Variants in TOP3B observed in about 807,000 individuals in gnomAD.
TOP3B encodes DNA topoisomerase 3-beta-1.
Under a neutral mutation model 93.9 loss-of-function variants are expected in TOP3B, and 45 were observed. That is an observed-to-expected ratio of 0.48 (90% CI 0.38 to 0.61). TOP3B has a LOEUF of 0.61. Among genes scored for constraint, TOP3B ranks in the 20% least tolerant of loss-of-function variants. The pLI, the probability that TOP3B is intolerant of heterozygous loss-of-function variation, is 0.00. For missense variants in TOP3B, 750 were observed against 1,156.1 expected, an observed-to-expected ratio of 0.65 and a Z score of 5.09; for synonymous variants, 357 against 472.6, an observed-to-expected ratio of 0.76 and a Z score of 3.17.
chr22:21,971,374 A>G lies in TOP3B; in HGVS notation c.384+503T>C. On this transcript the variant is annotated intron_variant, in intron 5 of 17. Coordinates refer to ENST00000357179, the MANE Select transcript of TOP3B (RefSeq NM_001282112.2). This position sits in a 1 kb window ranked among gnomAD's most constrained non-coding sequence, Gnocchi z 4.6. ...ACCATGGCCGGGGCAAGCATGGGGC[A>G]TGGGGTGTGCACAGGGAGCAGCTGC... 3.2e-6 allele frequency: 1 copy of G among 310,874 alleles called. No homozygotes were observed. Among genetic ancestry groups the G allele is most frequent in the Non-Finnish European group, 6.3e-6 (1 of 158,640 alleles). 19.3% of individuals were successfully genotyped at this position (310,874 alleles called of 1,614,324 possible). A position where few individuals can be genotyped will look rare whatever the true frequency, so the allele number is the denominator to read the frequency against.
intron 13 of TOP3B, chr22:21,962,070 A>G (rs1346749182): frequency 7.6e-6 from 9 of 1,182,090 alleles, no homozygotes; most frequent in Non-Finnish European, 7.5e-6. Context: ...TGATTTCAGG[A>G]CAGCCCAGGC....
chr22:21,959,393 G>C, intron 15 of TOP3B, 161 bp from the exon 16 acceptor site: 1 of 1,483,236 alleles, frequency 6.7e-7, no homozygotes, highest in Non-Finnish European at 8.9e-7. Context: ...TCAGAGGCAC[G>C]TGTTCCTGGC....
At chr22:21,972,398 C>T in intron 4 of TOP3B, 1 of 501,268 alleles carries the variant, frequency 2.0e-6, no homozygotes, top group South Asian at 3.4e-5. Flanking sequence ...AGAAGGCCTG[C>T]TCTCCAGGAC....
At chr22:21,962,003 G>T (rs2071204405) in intron 13 of TOP3B, 3 of 748,634 alleles carry the variant, frequency 4.0e-6, no homozygotes, top group Admixed American at 4.3e-5. Context: ...CCTGGGACAG[G>T]CATTTCTGTT....
chr22:21,975,463 C>T, intron 2 of TOP3B, 177 bp downstream of exon 2: 1 of 613,282 alleles, frequency 1.6e-6, no homozygotes, highest in Non-Finnish European at 2.6e-6. Context: ...CCAGCTTTGG[C>T]ACATTGCCAG....
Position 21,970,952 on chromosome 22 carries a change from C to T in TOP3B, c.385-546G>A. On this transcript the variant is annotated intron_variant, in intron 5 of 17. Coordinates refer to ENST00000357179, the MANE Select transcript of TOP3B (RefSeq NM_001282112.2). This position sits in a 1 kb window ranked among gnomAD's most constrained non-coding sequence, Gnocchi z 4.4. ...GGTGGGGGCAGCTCGGGCTAAAGCACAGCAGGGGTCCTGGAGCCGAGACTC... is the reference window on the plus strand; with the variant it reads ...GGTGGGGGCAGCTCGGGCTAAAGCATAGCAGGGGTCCTGGAGCCGAGACTC... 2 of 1,203,248 alleles carry T rather than the reference C, an allele frequency of 1.7e-6. No homozygotes were observed. The highest frequency in any genetic ancestry group is 2.1e-6 in the Non-Finnish European group (2 of 937,448). 74.5% of individuals were successfully genotyped at this position (1,203,248 alleles called of 1,614,324 possible). A position where few individuals can be genotyped will look rare whatever the true frequency, so the allele number is the denominator to read the frequency against.
rs1371439323 is a variant in TOP3B at position 21,959,851 on chromosome 22, TG to T, written c.1655-116del. ...CCCCTCCCGCTCTGGCCCGTCCTCC[TG>T]GCCTCTGCCCTACCCACCAGTCCAC... On this transcript the variant is annotated intron_variant, in intron 14 of 17. Coordinates refer to ENST00000357179, the MANE Select transcript of TOP3B (RefSeq NM_001282112.2). 2.8e-6 allele frequency: 4 copies of T among 1,418,720 alleles called. No individual in the cohort carries two copies. In the African/African-American group the frequency reaches 4.3e-5, roughly 15 times the overall value. 87.9% of individuals were successfully genotyped at this position (1,418,720 alleles called of 1,614,324 possible).
At chr22:21,965,429 G>A in intron 8 of TOP3B, 54 bp from the exon 9 acceptor site, 1 of 1,236,684 alleles carries the variant, frequency 8.1e-7, no homozygotes, top group Non-Finnish European at 1.1e-6. Flanking sequence ...CCACCATAGA[G>A]GGAATCAAGA....
Position 21,964,309 on chromosome 22 carries a change from C to T in TOP3B, c.950G>A (p.Gly317Glu). 6.2e-7 allele frequency: 1 copy of T among 1,613,562 alleles called. No individual in the cohort carries two copies. Among genetic ancestry groups the T allele is most frequent in the South Asian group, 1.1e-5 (1 of 91,072 alleles). The change falls in exon 10 of 18, where the codon GGG becomes GAG. Residue 317 changes from glycine to glutamate, a missense_variant. By Grantham distance (98) the Gly-to-Glu change is moderately conservative. Coordinates refer to ENST00000357179, the MANE Select transcript of TOP3B (RefSeq NM_001282112.2). ...LRVASSSLGM[G>E]PQHAMQTAER... Reference sequence around the variant, plus strand: ...AGCCGTCTGCATGGCGTGCTGCGGCCCCATGCCTGCGAGAGACAGGAGGTT... The same window carrying T: ...AGCCGTCTGCATGGCGTGCTGCGGCTCCATGCCTGCGAGAGACAGGAGGTT...
Position 21,970,741 on chromosome 22 carries a change from G to C in TOP3B, c.385-335C>G. 2.8e-6 allele frequency: 1 copy of C among 352,088 alleles called. No homozygotes were observed. The highest frequency in any genetic ancestry group is 3.0e-5 in the South Asian group (1 of 33,890). 21.8% of individuals were successfully genotyped at this position (352,088 alleles called of 1,614,324 possible). ...CCAAATCAGGAAATGCTACTGCCAA[G>C]TACATGAGGGACCTCTTAGTCCCCA... On this transcript the variant is annotated intron_variant, in intron 5 of 17. Transcript: ENST00000357179. The surrounding 1 kb of genome is among the most constrained non-coding windows in gnomAD (Gnocchi z 4.4).
chr22:21,975,630 T>A lies in TOP3B; in HGVS notation c.70+10A>T, dbSNP rs377299818. The stretch of plus-strand genomic sequence containing the variant: ...TGCTTACAGACCAAAGCAGGGCTGG[T>A]CTCTCCTACCTCTAGAGAGGATTTT... On this transcript the variant is annotated intron_variant, in intron 2 of 17. Transcript: ENST00000357179. 11 of 1,605,440 alleles carry A rather than the reference T, an allele frequency of 6.9e-6. No individual in the cohort carries two copies. The highest frequency in any genetic ancestry group is 8.5e-6 in the Non-Finnish European group (10 of 1,173,878).
intron 1 of TOP3B, among the ~76,000 whole-genome samples, chr22:21,979,404 AG>A (rs2084567327): frequency 1.3e-5 from 2 of 152,014 alleles, no homozygotes; most frequent in African/African-American, 4.8e-5. Flanking sequence ...GCTGTGAGAC[AG>A]GTAGAGAGTG....
chr22:21,960,585 C>T lies in TOP3B; in HGVS notation c.1526-136G>A. ...CCCGGTCACAGGAGGGAGGGCTGTGCCCTGAGCTCCCCCTGCACTGTGCTG... is the reference window on the plus strand; with the variant it reads ...CCCGGTCACAGGAGGGAGGGCTGTGTCCTGAGCTCCCCCTGCACTGTGCTG... On this transcript the variant is annotated intron_variant, in intron 13 of 17. Transcript: ENST00000357179. 3.3e-6 allele frequency: 4 copies of T among 1,196,456 alleles called. No homozygotes were observed. In the South Asian group the frequency reaches 4.2e-5, roughly 13 times the overall value. 74.1% of individuals were successfully genotyped at this position (1,196,456 alleles called of 1,614,324 possible). A position where few individuals can be genotyped will look rare whatever the true frequency, so the allele number is the denominator to read the frequency against.
chr22:21,967,456 C>T, intron 8 of TOP3B, 147 bp downstream of exon 8: 2 of 664,666 alleles, frequency 3.0e-6, no homozygotes, highest in South Asian at 1.8e-5. Context: ...GAGGGAGTAA[C>T]CATTCAGCTT....
intron 2 of TOP3B, 44 bp from the exon 3 acceptor site, chr22:21,974,532 C>A: frequency 6.5e-7 from 1 of 1,546,374 alleles, no homozygotes; most frequent in Non-Finnish European, 8.8e-7. Context: ...TTCAGCTGAG[C>A]TGAAGACCCT....
At chr22:21,974,195 C>G (rs774369258) in intron 3 of TOP3B, 162 bp downstream of exon 3, 2 of 886,898 alleles carry the variant, frequency 2.3e-6, no homozygotes, top group African/African-American at 3.4e-5. Context: ...TTCTGGGCAC[C>G]GCACCAGGGA....
intron 13 of TOP3B, chr22:21,961,863 C>T (rs2071198259): frequency 5.9e-6 from 1 of 169,200 alleles, no homozygotes; most frequent in African/African-American, 2.4e-5. Context: ...CAGCTCCAGG[C>T]CTGGGGACTT....
At chr22:21,967,957 A>C in intron 7 of TOP3B, 1 of 502,814 alleles carries the variant, frequency 2.0e-6, no homozygotes, top group Non-Finnish European at 3.6e-6. Context: ...GCTGAGGCTG[A>C]TGTGTCCCTA....
At position 21,968,601 on chromosome 22, in the gene TOP3B, T is replaced by C; in HGVS notation, c.738+18A>G. The C allele has an allele frequency of 1.2e-6, 2 of 1,613,310 alleles. No individual in the cohort carries two copies. Among genetic ancestry groups the C allele is most frequent in the Non-Finnish European group, 1.7e-6 (2 of 1,179,634 alleles). On this transcript the variant is annotated intron_variant, in intron 7 of 17. Transcript: ENST00000357179. Reference sequence around the variant, plus strand: ...CAAACCCAGAAAGCCCCAGCATGAATAGAGAAAGGCAAGGAACCTTGGCCT... The same window carrying C: ...CAAACCCAGAAAGCCCCAGCATGAACAGAGAAAGGCAAGGAACCTTGGCCT...
Sources: allele counts gnomAD v4.1 joint callset (sites outside exome capture counted in the v4.1 genomes callset), GRCh38; gene constraint gnomAD v4.1.1; non-coding constraint Gnocchi (gnomAD v3.1); transcripts MANE v1.5; gene names NCBI Gene and HGNC (gene_info 2026-07-23, HGNC 2026-07-21).